The following IFT81 variants were observed in gnomAD, a reference collection of about 807,000 sequenced individuals.
IFT81 encodes the protein intraflagellar transport 81, also known as intraflagellar transport protein 81 homolog.
A neutral mutation model predicts 102.6 loss-of-function variants in IFT81; 72 were observed. That is an observed-to-expected ratio of 0.70 (90% CI 0.58 to 0.85). The LOEUF is 0.85. IFT81 is among the 40% of genes least tolerant of loss of function. The probability of loss-of-function intolerance (pLI) is 0.00; values close to 1 mark genes in which losing one functional copy is unlikely to be tolerated. For missense variants in IFT81, 723 were observed against 787.3 expected (o/e 0.92, Z 0.98); for synonymous variants, 237 against 242.7 (o/e 0.98, Z 0.22).
chr12:110,150,873 C>T (rs963658112), intron 10 of IFT81, among the ~76,000 whole-genome samples: 8 of 152,022 alleles, frequency 5.3e-5, no homozygotes, highest in South Asian at 2.1e-4. Flanking sequence ...ATTATATAGA[C>T]GTATATACTC....
chr12:110,163,805 G>A (rs752837386), intron 11 of IFT81, among the ~76,000 whole-genome samples: 12 of 150,096 alleles, frequency 8.0e-5, no homozygotes, highest in Non-Finnish European at 1.3e-4. Flanking sequence ...TAGTAGAGAC[G>A]GGGTTTCACC....
At chr12:110,175,068 A>C (rs1270183721) in intron 11 of IFT81, among the ~76,000 whole-genome samples, 1 of 152,160 alleles carries the variant, frequency 6.6e-6, no homozygotes, top group Non-Finnish European at 1.5e-5. Flanking sequence ...ATATGGGTAC[A>C]AATGATTAGT....
At chr12:110,160,271 A>G (rs1337881826) in intron 10 of IFT81, among the ~76,000 whole-genome samples, 3 of 152,214 alleles carry the variant, frequency 2.0e-5, no homozygotes, top group Non-Finnish European at 4.4e-5. Context: ...AGCTGGAGAA[A>G]GAGAAAATCC....
intron 13 of IFT81, 64 bp downstream of exon 13, chr12:110,191,112 G>T: frequency 5.2e-6 from 7 of 1,357,226 alleles, no homozygotes; most frequent in East Asian, 2.6e-5. Context: ...TTTTGTGTTA[G>T]TTTTATTTTC....
intron 11 of IFT81, among the ~76,000 whole-genome samples, chr12:110,164,278 G>T (rs1437125742): frequency 6.6e-6 from 1 of 152,006 alleles, no homozygotes; most frequent in Non-Finnish European, 1.5e-5. Flanking sequence ...ATTTTTTATA[G>T]ATGGCTAAAC....
chr12:110,158,734 C>T (rs893179797), intron 10 of IFT81, among the ~76,000 whole-genome samples: 4 of 152,074 alleles, frequency 2.6e-5, no homozygotes, highest in South Asian at 2.1e-4. Flanking sequence ...GGACTACAGG[C>T]GCCCGCCACC....
chr12:110,209,614 C>T (rs1392733445), intron 18 of IFT81, among the ~76,000 whole-genome samples: 1 of 151,764 alleles, frequency 6.6e-6, no homozygotes, highest in African/African-American at 2.4e-5. Context: ...ATGAAAAATA[C>T]AAAAATTAGC....
intron 10 of IFT81, among the ~76,000 whole-genome samples, chr12:110,159,743 A>G (rs534440517): frequency 6.6e-6 from 1 of 152,344 alleles, no homozygotes; most frequent in Admixed American, 6.5e-5. Context: ...GAAGCAGCGC[A>G]TAGATCCCCA....
At chr12:110,151,141 C>G (rs927997332) in intron 10 of IFT81, among the ~76,000 whole-genome samples, 2 of 152,122 alleles carry the variant, frequency 1.3e-5, no homozygotes, top group African/African-American at 4.8e-5. Flanking sequence ...TTTATCACCC[C>G]TAAAAGAAAC....
chr12:110,207,799 G>A (rs189270050), intron 17 of IFT81, among the ~76,000 whole-genome samples: 37 of 151,966 alleles, frequency 2.4e-4, no homozygotes, highest in Middle Eastern at 3.4e-3. Flanking sequence ...TCCTGACCTC[G>A]TGAGCCACCG....
At chr12:110,191,464 C>T (rs182517426) in intron 13 of IFT81, among the ~76,000 whole-genome samples, 1 of 152,284 alleles carries the variant, frequency 6.6e-6, no homozygotes, top group African/African-American at 2.4e-5. Flanking sequence ...AGCCACTACA[C>T]CCGGTCTCAT....
chr12:110,202,882 T>C (rs905397167), intron 14 of IFT81, among the ~76,000 whole-genome samples: 1 of 152,202 alleles, frequency 6.6e-6, no homozygotes, highest in Admixed American at 6.5e-5. Context: ...TTGTCAGTGG[T>C]ACATTTCAAA....
In IFT81 at chr12:110,128,041, G is replaced by C; in HGVS notation, c.145-5G>C. ...ATAACATGTTTTTTTCAATTTCTTT[G>C]TTAGCAACTTGTGGATATCAGAGAG... On this transcript the variant is annotated splice_polypyrimidine_tract_variant and splice_region_variant and intron_variant, in intron 2 of 18. Coordinates refer to ENST00000242591, the MANE Select transcript of IFT81 (RefSeq NM_014055.4). The C allele has an allele frequency of 6.3e-7, 1 of 1,594,884 alleles. No individual in the cohort carries two copies. Among genetic ancestry groups the C allele is most frequent in the Non-Finnish European group, 8.6e-7 (1 of 1,163,944 alleles).
At chr12:110,125,374 T>C (rs1893767656) in intron 1 of IFT81, among the ~76,000 whole-genome samples, 1 of 152,174 alleles carries the variant, frequency 6.6e-6, no homozygotes, top group Non-Finnish European at 1.5e-5. Flanking sequence ...TTTTTCATCA[T>C]TGTGGAGAAA....
At chr12:110,137,929 C>G (rs548946162) in intron 8 of IFT81, among the ~76,000 whole-genome samples, 3 of 152,188 alleles carry the variant, frequency 2.0e-5, no homozygotes, top group Admixed American at 2.0e-4. Flanking sequence ...GTAGGTATCT[C>G]TGGCTCTGTT....
At chr12:110,130,035 T>C (rs1894069719) in intron 4 of IFT81, among the ~76,000 whole-genome samples, 1 of 152,216 alleles carries the variant, frequency 6.6e-6, no homozygotes, top group Non-Finnish European at 1.5e-5. Flanking sequence ...TCACTTCTAA[T>C]GTTAGCTCAA....
At chr12:110,169,023 CCCTTCCTTCCTTCCTTCCTTCCTTCCTT>C (rs201299809) in intron 11 of IFT81, 21 of 115,418 alleles carry the variant, frequency 1.8e-4, no homozygotes, top group Non-Finnish European at 2.5e-4. Flanking sequence ...TTTCCTTCCT[CCCTTCCTTCCTTCCTTCCTTCCTTCCTT>C]CCTTCCTTCC....
chr12:110,192,725 C>T lies in IFT81; in HGVS notation c.1557+19C>T, dbSNP rs772093441. 7 of 1,346,088 alleles carry T rather than the reference C, an allele frequency of 5.2e-6. No individual in the cohort carries two copies. The South Asian group carries it at 8.8e-5, about 17-fold the overall frequency. The allele number at this position is 1,346,088 out of a possible 1,614,324, so 83.4% of individuals were successfully genotyped here. On this transcript the variant is annotated intron_variant, in intron 14 of 18. Coordinates refer to ENST00000242591, the MANE Select transcript of IFT81 (RefSeq NM_014055.4). ...ATATCAAGTAAGTTTTTGATTTTAT[C>T]AAGTAATTTGATTTTATGATACTTT...
chr12:110,154,319 A>T (rs888198011), intron 10 of IFT81, among the ~76,000 whole-genome samples: 1 of 151,100 alleles, frequency 6.6e-6, no homozygotes, highest in African/African-American at 2.4e-5. Flanking sequence ...AGTGTGAGAC[A>T]CTATCTCAAA....
Sources: allele counts gnomAD v4.1 joint callset (sites outside exome capture counted in the v4.1 genomes callset), GRCh38; gene constraint gnomAD v4.1.1; transcripts MANE v1.5; gene names NCBI Gene and HGNC (gene_info 2026-07-23, HGNC 2026-07-21).